DGKB: variants seen among roughly 807,000 people sequenced by gnomAD.
The protein encoded by DGKB is diacylglycerol kinase beta, also known as 90 kDa diacylglycerol kinase.
A neutral mutation model predicts 114.3 loss-of-function variants in DGKB; 67 were observed. That is an observed-to-expected ratio of 0.59 (90% CI 0.48 to 0.72). The LOEUF (loss-of-function observed/expected upper bound fraction) is 0.72, where lower values mean the gene tolerates loss of function less well. DGKB is among the 30% of genes least tolerant of loss of function. DGKB has a pLI of 0.00. For synonymous variants in DGKB, 398 were observed against 323.1 expected, an observed-to-expected ratio of 1.23 and a Z score of -2.49; for missense variants, 907 against 975.2, an observed-to-expected ratio of 0.93 and a Z score of 0.93.
intron 23 of DGKB, among the ~76,000 whole-genome samples, chr7:14,207,798 G>A (rs1055459243): frequency 6.6e-6 from 1 of 151,918 alleles, no homozygotes; most frequent in Non-Finnish European, 1.5e-5. Context: ...AAACCATGAG[G>A]ATGAGTATAT....
At chr7:14,186,267 T>C (rs1161271506) in intron 23 of DGKB, among the ~76,000 whole-genome samples, 1 of 152,186 alleles carries the variant, frequency 6.6e-6, no homozygotes, top group Non-Finnish European at 1.5e-5. Flanking sequence ...TGAAAAATGC[T>C]CATCATTACT....
At chr7:14,526,928 T>C (rs984017267) in intron 20 of DGKB, among the ~76,000 whole-genome samples, 2 of 152,148 alleles carry the variant, frequency 1.3e-5, no homozygotes, top group African/African-American at 4.8e-5. Flanking sequence ...GAAGATCTAA[T>C]TGGGTTTACA....
At chr7:14,397,797 T>A (rs1027036137) in intron 21 of DGKB, among the ~76,000 whole-genome samples, 1 of 152,104 alleles carries the variant, frequency 6.6e-6, no homozygotes, top group Non-Finnish European at 1.5e-5. Context: ...AATTTAAGCA[T>A]TTTTCATTAT....
chr7:14,773,478 A>C (rs1837711712), intron 2 of DGKB, among the ~76,000 whole-genome samples: 1 of 152,148 alleles, frequency 6.6e-6, no homozygotes, highest in Non-Finnish European at 1.5e-5. Context: ...CAGTGAATTT[A>C]AAGTAAATGA....
intron 25 of DGKB, among the ~76,000 whole-genome samples, chr7:14,167,219 A>AC (rs1158925414): frequency 6.6e-6 from 1 of 151,412 alleles, no homozygotes; most frequent in Non-Finnish European, 1.5e-5. Flanking sequence ...TCAAAAAAAA[A>AC]AAAAAAAAAA....
At chr7:14,413,015 C>T (rs1030446447) in intron 21 of DGKB, among the ~76,000 whole-genome samples, 1 of 150,290 alleles carries the variant, frequency 6.7e-6, no homozygotes, top group Non-Finnish European at 1.5e-5. Context: ...TGAGGAGTAC[C>T]GTGAAGTCAT....
At chr7:14,245,609 T>A (rs1036107843) in intron 23 of DGKB, among the ~76,000 whole-genome samples, 3 of 151,858 alleles carry the variant, frequency 2.0e-5, no homozygotes, top group Admixed American at 6.6e-5. Context: ...CCAAGAAAAA[T>A]TATAATAATT....
intron 23 of DGKB, among the ~76,000 whole-genome samples, chr7:14,186,037 G>A (rs187759777): frequency 6.6e-6 from 1 of 152,248 alleles, no homozygotes; most frequent in African/African-American, 2.4e-5. Flanking sequence ...TTAAACTAAA[G>A]AGCTTTTGCA....
At chr7:14,900,821 T>C (rs1782910866) in intron 1 of DGKB, among the ~76,000 whole-genome samples, 1 of 152,196 alleles carries the variant, frequency 6.6e-6, no homozygotes, top group Admixed American at 6.5e-5. Flanking sequence ...AAAAAAATTT[T>C]GTCAAATTTT....
chr7:14,872,671 A>G (rs999528556), intron 1 of DGKB, among the ~76,000 whole-genome samples: 3 of 152,056 alleles, frequency 2.0e-5, no homozygotes, highest in African/African-American at 7.2e-5. Context: ...AGCTTGTTTC[A>G]CAGACATTAG....
At chr7:14,906,052 A>C (rs1483493563), upstream of DGKB, among the ~76,000 whole-genome samples, 2 of 152,030 alleles carry the variant, frequency 1.3e-5, no homozygotes, top group Non-Finnish European at 2.9e-5. Context: ...TCCAAAATGA[A>C]TTTTCTACTA....
At chr7:14,190,042 C>G (rs1458242742) in intron 23 of DGKB, among the ~76,000 whole-genome samples, 1 of 152,036 alleles carries the variant, frequency 6.6e-6, no homozygotes, top group African/African-American at 2.4e-5. Flanking sequence ...CACCATAGAC[C>G]AAATGGACCT....
At chr7:14,706,878 T>C (rs1281830026) in intron 6 of DGKB, among the ~76,000 whole-genome samples, 12 of 125,850 alleles carry the variant, frequency 9.5e-5, no homozygotes, top group Non-Finnish European at 1.3e-4. Flanking sequence ...AGATCCAAAA[T>C]TGACAGCCTA....
At chr7:14,466,019 C>A (rs1780419492) in intron 21 of DGKB, among the ~76,000 whole-genome samples, 1 of 151,772 alleles carries the variant, frequency 6.6e-6, no homozygotes, top group Non-Finnish European at 1.5e-5. Flanking sequence ...CAGAAATGAG[C>A]CATCAACAGG....
At chr7:14,942,625 T>G (rs1242750784) in intron 1 of DGKB, among the ~76,000 whole-genome samples, 2 of 152,064 alleles carry the variant, frequency 1.3e-5, no homozygotes, top group Non-Finnish European at 1.5e-5. Flanking sequence ...TTCCTCCAGT[T>G]TAAAGCGCTC....
At chr7:14,495,343 T>C (rs1420374260) in intron 20 of DGKB, among the ~76,000 whole-genome samples, 1 of 151,870 alleles carries the variant, frequency 6.6e-6, no homozygotes, top group African/African-American at 2.4e-5. Flanking sequence ...CTCAGTAAAA[T>C]ATTTATGCTT....
intron 23 of DGKB, among the ~76,000 whole-genome samples, chr7:14,328,004 G>T (rs531426244): frequency 6.6e-6 from 1 of 152,086 alleles, no homozygotes; most frequent in East Asian, 1.9e-4. Flanking sequence ...ACATTTTTGT[G>T]CACATGACTT....
chr7:14,847,594 G>T (rs1848813753), intron 1 of DGKB, among the ~76,000 whole-genome samples: 1 of 152,210 alleles, frequency 6.6e-6, no homozygotes, highest in Non-Finnish European at 1.5e-5. Context: ...ATGCTAAACA[G>T]ATATGATACG....
chr7:14,422,515 A>G (rs1317981494), intron 21 of DGKB, among the ~76,000 whole-genome samples: 1 of 152,044 alleles, frequency 6.6e-6, no homozygotes, highest in Admixed American at 6.6e-5. Flanking sequence ...TTACTCACAT[A>G]CCGCAGCAGA....
Sources: gnomAD v4.1 joint callset for allele counts (sites outside exome capture counted in the v4.1 genomes callset) on GRCh38, gnomAD v4.1.1 for gene constraint, MANE v1.5 for transcripts, NCBI Gene and HGNC (gene_info 2026-07-23, HGNC 2026-07-21) for gene names.